LTBP2: variants seen among roughly 807,000 people sequenced by gnomAD.
LTBP2 encodes latent-transforming growth factor beta-binding protein 2.
In LTBP2, 103 loss-of-function variants were observed where a neutral mutation model predicts 210.6. The ratio of observed to expected loss-of-function variants is 0.49; its 90% confidence interval spans 0.42 to 0.58. LTBP2 has a LOEUF of 0.58. LTBP2 is among the 20% of genes least tolerant of loss of function. LTBP2 has a pLI of 0.00. For missense variants in LTBP2, 2,313 were observed against 2,494.5 expected, an observed-to-expected ratio of 0.93 and a Z score of 1.55; for synonymous variants, 1,007 against 1,015.0, an observed-to-expected ratio of 0.99 and a Z score of 0.15.
chr14:74,523,504 A>T (rs2087235029), intron 15 of LTBP2, among the ~76,000 whole-genome samples: 1 of 152,082 alleles, frequency 6.6e-6, no homozygotes, highest in Admixed American at 6.6e-5. Context: ...AGGGAGGTAT[A>T]GTGGGTCCTT....
intron 14 of LTBP2, among the ~76,000 whole-genome samples, chr14:74,525,826 A>T (rs1478457517): frequency 6.6e-6 from 1 of 152,190 alleles, no homozygotes; most frequent in African/African-American, 2.4e-5. Flanking sequence ...AAGTGGTGCC[A>T]TGAAATTTGC....
chr14:74,605,732 C>T (rs938238885), intron 1 of LTBP2, among the ~76,000 whole-genome samples: 3 of 152,190 alleles, frequency 2.0e-5, no homozygotes, highest in African/African-American at 4.8e-5. Context: ...CTGAGCCAGC[C>T]GTCACCCCAG....
intron 3 of LTBP2, among the ~76,000 whole-genome samples, chr14:74,577,545 G>T (rs2088075543): frequency 7.2e-6 from 1 of 138,942 alleles, no homozygotes; most frequent in Non-Finnish European, 1.5e-5. Context: ...GTCTCACTCT[G>T]TTGCCCAGGC....
At chr14:74,501,817 A>C in intron 34 of LTBP2, 1 of 579,992 alleles carries the variant, frequency 1.7e-6, no homozygotes, top group Non-Finnish European at 3.0e-6. Flanking sequence ...TGGGCTTCAA[A>C]TGAGGGCTCC....
chr14:74,552,026 G>C (rs1486408300), intron 6 of LTBP2, among the ~76,000 whole-genome samples, 161 bp downstream of exon 6: 2 of 151,576 alleles, frequency 1.3e-5, no homozygotes, highest in Non-Finnish European at 2.9e-5. Context: ...AGAAGTTGAG[G>C]GAATGAAACT....
At position 74,556,506 on chromosome 14, in the gene LTBP2, A is replaced by T. The variant is rs74561988; in HGVS notation, c.831-813T>A. On this transcript the variant is annotated intron_variant, in intron 3 of 35. Transcript: ENST00000261978. ...TACCTGTTACATATTTAGATTTTTT[A>T]AAAAGTTTTTTGCTTGTTTTTGTTT... Among the ~76,000 whole-genome samples, 232 of 152,292 alleles carry T rather than the reference A, an allele frequency of 1.5e-3. No individual in the cohort carries two copies. The East Asian group carries it at 0.029, about 19-fold the overall frequency.
At position 74,611,978 on chromosome 14, in the gene LTBP2, C is replaced by A. The variant is rs751997568; in HGVS notation, c.-34G>T. The stretch of plus-strand genomic sequence containing the variant: ...GCGGCTGGAGAGTGGTGCGCGCGGG[C>A]ACCGCGAAGAGCTTTGTGGTCGGCA... On this transcript the variant is annotated 5_prime_UTR_variant, in exon 1 of 36. Coordinates refer to ENST00000261978, the MANE Select transcript of LTBP2 (RefSeq NM_000428.3). The A allele has an allele frequency of 1.4e-5, 21 of 1,527,872 alleles. No individual in the cohort carries two copies. Among genetic ancestry groups the A allele is most frequent in the Admixed American group, 5.9e-5 (3 of 51,032 alleles). 94.6% of individuals were successfully genotyped at this position (1,527,872 alleles called of 1,614,324 possible).
Position 74,506,440 on chromosome 14 carries a change from C to T in LTBP2, c.4034-249G>A, listed in dbSNP as rs76685337. ...GGGTTACCCCTCAGTGCACATTCTCCAAACCTCCTGCCTCCTGAGGCTCTG... is the reference window on the plus strand; with the variant it reads ...GGGTTACCCCTCAGTGCACATTCTCTAAACCTCCTGCCTCCTGAGGCTCTG... On this transcript the variant is annotated intron_variant, in intron 27 of 35. Transcript: ENST00000261978. Among the ~76,000 whole-genome samples, 3,507 of 152,292 alleles carry T rather than the reference C, an allele frequency of 0.023. 69 individuals carry two copies. The highest frequency in any genetic ancestry group is 0.033 in the Non-Finnish European group (2,238 of 68,014).
intron 3 of LTBP2, among the ~76,000 whole-genome samples, chr14:74,565,768 G>C (rs1232068490): frequency 6.6e-6 from 1 of 152,190 alleles, no homozygotes; most frequent in Non-Finnish European, 1.5e-5. Flanking sequence ...ATCATTCGAG[G>C]AAAGCAGGCA....
At chr14:74,520,481 C>T (rs2087187312) in intron 17 of LTBP2, among the ~76,000 whole-genome samples, 1 of 152,140 alleles carries the variant, frequency 6.6e-6, no homozygotes, top group African/African-American at 2.4e-5. Context: ...TGGGACATTG[C>T]CAGCATATAT....
intron 3 of LTBP2, among the ~76,000 whole-genome samples, chr14:74,563,127 C>T (rs1009219272): frequency 6.6e-6 from 1 of 152,162 alleles, no homozygotes; most frequent in Non-Finnish European, 1.5e-5. Flanking sequence ...AAAGCCTGGG[C>T]CCCCAGGCCT....
At chr14:74,582,397 TAC>T (rs58985238) in intron 3 of LTBP2, among the ~76,000 whole-genome samples, 11,611 of 140,598 alleles carry the variant, frequency 0.083, 595 homozygotes, top group African/African-American at 0.16. Flanking sequence ...CACACATACA[TAC>T]ACACACACAC....
At position 74,503,507 on chromosome 14, in the gene LTBP2, A is replaced by C. The variant is rs1486096558; in HGVS notation, c.4682T>G (p.Leu1561Arg). 9 of 1,613,092 alleles carry C rather than the reference A, an allele frequency of 5.6e-6. No individual in the cohort carries two copies. Among genetic ancestry groups the C allele is most frequent in the Non-Finnish European group, 7.6e-6 (9 of 1,179,782 alleles). Residue 1561 changes from leucine to arginine, a missense_variant, in exon 32 of 36, where the codon CTC becomes CGC. By Grantham distance (102) the Leu-to-Arg change is moderately radical. Around this residue, in one of 3 missense-constraint regions of LTBP2, gnomAD observed 443 missense variants for 501.4 expected, o/e 0.88. Transcript: ENST00000261978. ...GCTGTTCATGCAGCGCTGCTGGCTGAGGTCCAGGGTGAGCGGGGGGCTGCA... is the reference window on the plus strand; with the variant it reads ...GCTGTTCATGCAGCGCTGCTGGCTGCGGTCCAGGGTGAGCGGGGGGCTGCA... ...CFCSPPLTLD[L>R]SQQRCMNSTS...
rs759841151 is a variant in LTBP2 at position 74,506,874 on chromosome 14, T to TGCGC, written c.3908-52_3908-51insGCGC. ...GAGGATGTGTGTGTGTGTGTGTGTG[T>TGCGC]GTGTGCGCGCGCGCGTGTGTGCTCA... is the stretch of plus-strand genomic sequence containing the variant. On this transcript the variant is annotated intron_variant, in intron 26 of 35. Transcript: ENST00000261978. 112 of 1,207,784 alleles carry TGCGC rather than the reference T, an allele frequency of 9.3e-5. No homozygotes were observed. The African/African-American group carries it at 1.3e-3, about 15-fold the overall frequency. The allele number at this position is 1,207,784 out of a possible 1,614,324, so 74.8% of individuals were successfully genotyped here.
rs2086890858 is a variant in LTBP2, at chr14:74,499,840, A to G, written c.*1044T>C. ...AGTGAGTCTCTGCTTGTAAACTCAG[A>G]GGAATGCCTGCCATCGTTTTCTGAA... On this transcript the variant is annotated 3_prime_UTR_variant, in exon 36 of 36. Coordinates refer to ENST00000261978, the MANE Select transcript of LTBP2 (RefSeq NM_000428.3). The G allele has an allele frequency of 4.3e-6, 1 of 230,966 alleles. No homozygotes were observed. Among genetic ancestry groups the G allele is most frequent in the Non-Finnish European group, 8.6e-6 (1 of 116,640 alleles). 14.3% of individuals were successfully genotyped at this position (230,966 alleles called of 1,614,324 possible). A position where few individuals can be genotyped will look rare whatever the true frequency, so the allele number is the denominator to read the frequency against.
At position 74,505,132 on chromosome 14, in the gene LTBP2, GC is replaced by G; in HGVS notation, c.4219del (p.Ala1407ProfsTer84). 1 of 1,613,724 alleles carries G rather than the reference GC, an allele frequency of 6.2e-7. No homozygotes were observed. Among genetic ancestry groups the G allele is most frequent in the Non-Finnish European group, 8.5e-7 (1 of 1,180,038 alleles). On this transcript the variant is annotated frameshift_variant, in exon 29 of 36. Coordinates refer to ENST00000261978, the MANE Select transcript of LTBP2 (RefSeq NM_000428.3). LOFTEE classifies it high-confidence loss of function. ...GGAGTAGCAGTCCATGCGGGTGGGG[GC>G]CGGGGCATGGTCCCCCGTTGGGGCC... is the stretch of plus-strand genomic sequence containing the variant. Reference protein sequence around the residue: ...SEAPTGDHAPAPTRMDCYSGQ... With the variant: ...SEAPTGDHAPXPTRMDCYSGQ...
intron 1 of LTBP2, among the ~76,000 whole-genome samples, chr14:74,606,806 G>A (rs2088532586): frequency 6.6e-6 from 1 of 151,698 alleles, no homozygotes; most frequent in South Asian, 2.1e-4. Flanking sequence ...TTGTGCCACT[G>A]CACTACAGTT....
At chr14:74,540,213 C>T (rs530695343) in intron 8 of LTBP2, among the ~76,000 whole-genome samples, 18 of 152,302 alleles carry the variant, frequency 1.2e-4, no homozygotes, top group Middle Eastern at 3.4e-3. Context: ...TGGCTCATGC[C>T]TGTAATCCCA....
chr14:74,546,601 A>G (rs895828398), intron 8 of LTBP2, among the ~76,000 whole-genome samples: 15 of 152,116 alleles, frequency 9.9e-5, no homozygotes, highest in Non-Finnish European at 1.5e-4. Context: ...AGATGTTCTG[A>G]ACACAGTAGG....
Sources: gnomAD v4.1 joint callset for allele counts (sites outside exome capture counted in the v4.1 genomes callset) on GRCh38, gnomAD v4.1.1 for gene constraint, gnomAD v4.1.1 regional missense constraint, MANE v1.5 for transcripts, NCBI Gene and HGNC (gene_info 2026-07-23, HGNC 2026-07-21) for gene names.